Variants in MYO3A observed in about 807,000 individuals in gnomAD.
MYO3A encodes the protein myosin IIIA.
A neutral mutation model predicts 192.7 loss-of-function variants in MYO3A; 180 were observed. The observed-to-expected ratio is 0.93, with a 90% CI of 0.83 to 1.06. The LOEUF is 1.06. MYO3A is among the 50% of genes least tolerant of loss of function. The probability of loss-of-function intolerance (pLI) is 0.00; values close to 1 mark genes in which losing one functional copy is unlikely to be tolerated. For synonymous variants in MYO3A, 628 were observed against 645.3 expected, an observed-to-expected ratio of 0.97 and a Z score of 0.41; for missense variants, 1,896 against 1,905.0, an observed-to-expected ratio of 1.00 and a Z score of 0.09.
At chr10:26,049,466 A>G (rs1476571948) in intron 10 of MYO3A, among the ~76,000 whole-genome samples, 2 of 152,088 alleles carry the variant, frequency 1.3e-5, no homozygotes, top group African/African-American at 4.8e-5. Flanking sequence ...AAGATGGGAG[A>G]TACTAGAGCA....
intron 11 of MYO3A, among the ~76,000 whole-genome samples, chr10:26,067,364 G>A (rs1403525587): frequency 6.6e-6 from 1 of 152,078 alleles, no homozygotes; most frequent in Non-Finnish European, 1.5e-5. Flanking sequence ...TGAGGTCCTC[G>A]CAGTGTAAGT....
chr10:26,077,474 T>A (rs1835665102), intron 14 of MYO3A, among the ~76,000 whole-genome samples: 1 of 151,936 alleles, frequency 6.6e-6, no homozygotes, highest in African/African-American at 2.4e-5. Flanking sequence ...CTCTACTGAT[T>A]TGGATGCCCT....
At chr10:25,967,724 A>G (rs1199274201) in intron 4 of MYO3A, among the ~76,000 whole-genome samples, 1 of 152,246 alleles carries the variant, frequency 6.6e-6, no homozygotes, top group Non-Finnish European at 1.5e-5. Context: ...AAACATGAAC[A>G]TAATGTTGAA....
intron 15 of MYO3A, among the ~76,000 whole-genome samples, chr10:26,091,307 A>G (rs1588937975): frequency 6.6e-6 from 1 of 152,156 alleles, no homozygotes; most frequent in Non-Finnish European, 1.5e-5. Context: ...TTATTTTTAG[A>G]TTACCTTTCT....
chr10:25,972,273 C>CT (rs532286038), intron 4 of MYO3A, among the ~76,000 whole-genome samples: 1 of 151,584 alleles, frequency 6.6e-6, no homozygotes, highest in Non-Finnish European at 1.5e-5. Flanking sequence ...TCACTTTGTT[C>CT]TTTTTTTATG....
chr10:26,081,226 GC>G (rs1475068100), intron 14 of MYO3A, among the ~76,000 whole-genome samples: 1 of 149,496 alleles, frequency 6.7e-6, no homozygotes, highest in East Asian at 2.0e-4. Flanking sequence ...CTCTCCTTGG[GC>G]GGGTCTTGCT....
chr10:25,957,109 A>G (rs1448299170), intron 4 of MYO3A, among the ~76,000 whole-genome samples: 1 of 151,938 alleles, frequency 6.6e-6, no homozygotes, highest in African/African-American at 2.4e-5. Flanking sequence ...TATGTACCAC[A>G]TTTTCTTTAT....
intron 10 of MYO3A, among the ~76,000 whole-genome samples, chr10:26,058,928 G>C (rs1834293944): frequency 8.7e-6 from 1 of 115,282 alleles, no homozygotes; most frequent in East Asian, 2.1e-4. Flanking sequence ...TTATACTTAA[G>C]TATTTCATTG....
At chr10:26,092,428 T>C (rs1472632142) in intron 15 of MYO3A, among the ~76,000 whole-genome samples, 1 of 150,844 alleles carries the variant, frequency 6.6e-6, no homozygotes, top group African/African-American at 2.4e-5. Flanking sequence ...ATCGTGCCAC[T>C]GCACTCCAGC....
At chr10:26,068,585 A>G (rs1382366431) in intron 11 of MYO3A, among the ~76,000 whole-genome samples, 183 bp from the exon 12 acceptor site, 1 of 152,216 alleles carries the variant, frequency 6.6e-6, no homozygotes, top group African/African-American at 2.4e-5. Flanking sequence ...AAACCAAAGA[A>G]AATGGCTGTC....
intron 10 of MYO3A, among the ~76,000 whole-genome samples, chr10:26,040,408 C>T (rs944356947): frequency 9.2e-5 from 14 of 152,042 alleles, no homozygotes; most frequent in Admixed American, 6.5e-4. Context: ...TGTTCAAGAA[C>T]GATGTTAACA....
chr10:25,955,138 TG>T, intron 4 of MYO3A, 130 bp downstream of exon 4: 1 of 1,358,218 alleles, frequency 7.4e-7, no homozygotes, highest in Non-Finnish European at 1.0e-6. Context: ...CCATGAATGT[TG>T]TGCCTAGTTT....
At chr10:26,156,155 T>C (rs1841097323) in intron 25 of MYO3A, among the ~76,000 whole-genome samples, 1 of 152,136 alleles carries the variant, frequency 6.6e-6, no homozygotes, top group Non-Finnish European at 1.5e-5. Flanking sequence ...TACAGATAAA[T>C]GTAATGAAAA....
At chr10:26,056,082 G>T (rs576741519) in intron 10 of MYO3A, among the ~76,000 whole-genome samples, 1 of 152,168 alleles carries the variant, frequency 6.6e-6, no homozygotes, top group Non-Finnish European at 1.5e-5. Context: ...TATGATAAAG[G>T]CTCTAGTGGA....
intron 6 of MYO3A, among the ~76,000 whole-genome samples, chr10:26,012,480 C>G (rs1841725983): frequency 6.6e-6 from 1 of 152,102 alleles, no homozygotes; most frequent in African/African-American, 2.4e-5. Context: ...AGGACTCAAT[C>G]CTTTTACAAT....
chr10:25,947,072 C>T (rs961731322), intron 2 of MYO3A, among the ~76,000 whole-genome samples: 4 of 151,502 alleles, frequency 2.6e-5, no homozygotes, highest in Admixed American at 1.3e-4. Context: ...TTGTTGGTGG[C>T]GTTCTATATA....
At chr10:26,024,416 A>G (rs1450316105) in intron 9 of MYO3A, among the ~76,000 whole-genome samples, 2 of 152,098 alleles carry the variant, frequency 1.3e-5, no homozygotes, top group African/African-American at 4.8e-5. Flanking sequence ...TCGCTTCTTT[A>G]TCCATCTTTA....
At position 26,157,427 on chromosome 10, in the gene MYO3A, C is replaced by T; in HGVS notation, c.2911C>T (p.Gln971Ter). Residue 971 changes from glutamine (Q) to a stop codon, truncating the protein, a stop_gained, in exon 26 of 35, where the codon CAG becomes TAG. Transcript: ENST00000642920. LOFTEE classifies it high-confidence loss of function. ...RKYDKEKVLL[Q>*]LRYTGILETA... ...ATATGACAAAGAGAAAGTTCTGCTACAGCTTCGGTACACAGGAATTCTGGA... is the reference window on the plus strand; with the variant it reads ...ATATGACAAAGAGAAAGTTCTGCTATAGCTTCGGTACACAGGAATTCTGGA... The T allele has an allele frequency of 6.2e-7, 1 of 1,614,162 alleles. No homozygotes were observed. The highest frequency in any genetic ancestry group is 8.5e-7 in the Non-Finnish European group (1 of 1,180,010).
At chr10:26,178,494 A>G (rs1472911829) in intron 31 of MYO3A, among the ~76,000 whole-genome samples, 17 of 151,364 alleles carry the variant, frequency 1.1e-4, no homozygotes, top group African/African-American at 3.6e-4. Flanking sequence ...TGGAAGTTGC[A>G]GTGAGCCGAA....
Sources: gnomAD v4.1 joint callset for allele counts (sites outside exome capture counted in the v4.1 genomes callset) on GRCh38, gnomAD v4.1.1 for gene constraint, MANE v1.5 for transcripts, NCBI Gene and HGNC (gene_info 2026-07-23, HGNC 2026-07-21) for gene names.